The following USP36 variants were observed in gnomAD, a reference collection of about 807,000 sequenced individuals.
USP36 encodes ubiquitin carboxyl-terminal hydrolase 36.
A neutral mutation model predicts 111.5 loss-of-function variants in USP36; 59 were observed. The observed-to-expected ratio is 0.53, with a 90% CI of 0.43 to 0.66. The LOEUF (loss-of-function observed/expected upper bound fraction) is 0.66. Ranked by LOEUF, USP36 falls within the 30% of genes least tolerant of loss-of-function variation. USP36 has a pLI of 0.00. For synonymous variants in USP36, 628 were observed against 581.0 expected, an observed-to-expected ratio of 1.08 and a Z score of -1.16; for missense variants, 1,488 against 1,468.0, an observed-to-expected ratio of 1.01 and a Z score of -0.22.
intron 15 of USP36, among the ~76,000 whole-genome samples, chr17:78,804,628 A>T (rs2093847375): frequency 7.0e-6 from 1 of 142,158 alleles, no homozygotes; most frequent in African/African-American, 2.5e-5. Context: ...TGAGATTTAA[A>T]AAAAAAAAAA....
rs754369153 is a variant in USP36 at position 78,807,166 on chromosome 17, G to A, written c.1878C>T (p.Ala626=). The change falls in exon 14 of 21, where the codon GCC becomes GCT. Residue 626 remains alanine (A), a synonymous_variant. Transcript: ENST00000449938. ...CCGCTCCACTCCTGGGGGTCTGGGG[G>A]GCCTTGGTGGAGTCGCTGCTGGCCG... is the stretch of plus-strand genomic sequence containing the variant. ...EHSASSDSTK[A]PQTPRSGAAH... The A allele has an allele frequency of 2.6e-5, 42 of 1,614,230 alleles. 1 individual carries two copies. The highest frequency in any genetic ancestry group is 2.3e-4 in the South Asian group (21 of 91,092).
At chr17:78,838,999 C>T (rs1468695714) in intron 1 of USP36, among the ~76,000 whole-genome samples, 1 of 152,180 alleles carries the variant, frequency 6.6e-6, no homozygotes, top group East Asian at 1.9e-4. Context: ...ACCTCCCCAA[C>T]ACCTGCCAGT....
intron 3 of USP36, 22 bp from the exon 4 acceptor site, chr17:78,835,523 G>A: frequency 1.3e-6 from 2 of 1,569,596 alleles, no homozygotes; most frequent in Non-Finnish European, 1.7e-6. Flanking sequence ...AGGGACAAGG[G>A]AAGAAAAGAG....
intron 10 of USP36, among the ~76,000 whole-genome samples, 177 bp downstream of exon 10, chr17:78,818,490 G>A (rs1172249214): frequency 2.6e-5 from 4 of 152,176 alleles, no homozygotes; most frequent in Admixed American, 6.5e-5. Flanking sequence ...CTGTCTTCCC[G>A]TCCTGGACAA....
intron 9 of USP36, chr17:78,819,149 G>A (rs2094257433): frequency 5.2e-6 from 1 of 193,626 alleles, no homozygotes; most frequent in Admixed American, 5.6e-5. Context: ...AGCAAAGCTA[G>A]AAGATGCGCA....
Position 78,807,505 on chromosome 17 carries a change from G to C in USP36, c.1539C>G (p.Ser513=), listed in dbSNP as rs1185454974. 1.2e-6 allele frequency: 2 copies of C among 1,613,854 alleles called. No individual in the cohort carries two copies. Among genetic ancestry groups the C allele is most frequent in the Non-Finnish European group, 1.7e-6 (2 of 1,179,938 alleles). The part of the protein sequence containing the change: ...GCIPPKLPSG[S]PSPKLSQTPT... ...GTGTCTGGGAGAGTTTGGGGGAAGGGGACCCCGAGGGCAGCTTTGGAGGAA... is the reference window on the plus strand; with the variant it reads ...GTGTCTGGGAGAGTTTGGGGGAAGGCGACCCCGAGGGCAGCTTTGGAGGAA... Residue 513 remains serine (S), a synonymous_variant, in exon 14 of 21, where the codon TCC becomes TCG. Transcript: ENST00000449938.
rs768169484 is a variant in USP36 at position 78,803,431 on chromosome 17, C to T, written c.2764G>A (p.Gly922Ser). 19 of 1,614,036 alleles carry T rather than the reference C, an allele frequency of 1.2e-5. No individual in the cohort carries two copies. The highest frequency in any genetic ancestry group is 1.4e-5 in the Non-Finnish European group (17 of 1,180,034). ...TGCAGGCCGCCTTCTTCACCAAGACCTTCTGCTCCTTTCCTCCTCCGCTTC... is the reference window on the plus strand; with the variant it reads ...TGCAGGCCGCCTTCTTCACCAAGACTTTCTGCTCCTTTCCTCCTCCGCTTC... ...SRKRRRKGAE[G>S]LGEEGGLHQD... Residue 922 changes from glycine to serine, a missense_variant, in exon 16 of 21, where the codon GGT (glycine) becomes AGT (serine). Transcript: ENST00000449938. This position sits in a 1 kb window ranked among gnomAD's most constrained non-coding sequence, Gnocchi z 4.6.
At position 78,815,837 on chromosome 17, in the gene USP36, A is replaced by G. The variant is rs551293542; in HGVS notation, c.1024-1285T>C. Among the ~76,000 whole-genome samples the G allele has an allele frequency of 3.5e-3, 466 of 134,778 alleles. 3 individuals are homozygous for G. Among genetic ancestry groups the G allele is most frequent in the African/African-American group, 0.016 (415 of 25,858 alleles). The allele number at this position is 134,778 out of a possible 152,430, so 88.4% of individuals were successfully genotyped here. On this transcript the variant is annotated intron_variant, in intron 10 of 20. Transcript: ENST00000449938. ...TATACACACATGCACACATATATAC[A>G]TACACACACACATATGCATGCATAC...
At chr17:78,817,885 AC>A (rs982276573) in intron 10 of USP36, among the ~76,000 whole-genome samples, 5 of 152,178 alleles carry the variant, frequency 3.3e-5, no homozygotes, top group Non-Finnish European at 5.9e-5. Flanking sequence ...GTTTGAGACC[AC>A]CCTGGGCAAC....
At chr17:78,791,690 T>C (rs2093585605), downstream of USP36, among the ~76,000 whole-genome samples, 1 of 152,140 alleles carries the variant, frequency 6.6e-6, no homozygotes, top group African/African-American at 2.4e-5. Context: ...TGTGGAAGGC[T>C]GAAGAGGCAG....
At chr17:78,788,051 T>C (rs1260368815) in intron 3 of USP36, among the ~76,000 whole-genome samples, 2 of 152,232 alleles carry the variant, frequency 1.3e-5, no homozygotes, top group Non-Finnish European at 2.9e-5. Context: ...TGAGAGAACA[T>C]TCCCATTGTC....
intron 13 of USP36, 147 bp downstream of exon 13, chr17:78,812,713 A>G (rs1448689087): frequency 8.0e-6 from 7 of 872,446 alleles, no homozygotes; most frequent in South Asian, 5.2e-5. Context: ...AAAAAAAAAA[A>G]AAAAAGAAAA....
chr17:78,834,173 G>A (rs2068421601), intron 4 of USP36, among the ~76,000 whole-genome samples: 1 of 151,728 alleles, frequency 6.6e-6, no homozygotes. Context: ...CTTGCACCCA[G>A]GAGGCGGAGG....
Position 78,797,325 on chromosome 17 carries a change from C to T in USP36, c.*575G>A, listed in dbSNP as rs1012462926. Reference sequence around the variant, plus strand: ...GGGGTGCACAGTAGGGCCACCCTCTCGAGTTCCATAAAAGGGAGAGGTGGC... The same window carrying T: ...GGGGTGCACAGTAGGGCCACCCTCTTGAGTTCCATAAAAGGGAGAGGTGGC... On this transcript the variant is annotated 3_prime_UTR_variant, in exon 21 of 21. Coordinates refer to ENST00000449938, the MANE Select transcript of USP36 (RefSeq NM_001385174.1). The T allele has an allele frequency of 3.3e-5, 5 of 152,264 alleles. No individual in the cohort carries two copies. Among genetic ancestry groups the T allele is most frequent in the African/African-American group, 1.2e-4 (5 of 41,458 alleles). 9.4% of individuals were successfully genotyped at this position (152,264 alleles called of 1,614,324 possible). A position where few individuals can be genotyped will look rare whatever the true frequency, so the allele number is the denominator to read the frequency against.
In USP36 at chr17:78,798,125, A is replaced by ATCTCGGTGGT; in HGVS notation, c.*21-247_*21-246insACCACCGAGA. On this transcript the variant is annotated intron_variant, in intron 20 of 20. Coordinates refer to ENST00000449938, the MANE Select transcript of USP36 (RefSeq NM_001385174.1). This position sits in a 1 kb window ranked among gnomAD's most constrained non-coding sequence, Gnocchi z 5.1. ...CACATGCCACAGATGCCAGGTGTACACACCCCACACCCAACACACACTACA... is the reference window on the plus strand; with the variant it reads ...CACATGCCACAGATGCCAGGTGTACATCTCGGTGGTCACCCCACACCCAACACACACTACA... The ATCTCGGTGGT allele has an allele frequency of 2.4e-6, 1 of 423,578 alleles. No individual in the cohort carries two copies. The highest frequency in any genetic ancestry group is 3.9e-5 in the South Asian group (1 of 25,618). The allele number at this position is 423,578 out of a possible 1,614,324, so 26.2% of individuals were successfully genotyped here.
chr17:78,794,605 T>C (rs1184816113), downstream of USP36, among the ~76,000 whole-genome samples: 3 of 152,108 alleles, frequency 2.0e-5, no homozygotes, highest in Non-Finnish European at 4.4e-5. Flanking sequence ...GAAGTGGCCC[T>C]AGTGTTTGGG....
chr17:78,807,367 C>T lies in USP36; in HGVS notation c.1677G>A (p.Ser559=), dbSNP rs773437185. The part of the protein sequence containing the change: ...TAQGLPGTSN[S]NSSRSGSQRQ... ...TTTGGCTCCCAGATCTGCTGCTATTCGAGTTGCTGGTCCCAGGCAGCCCCT... is the reference window on the plus strand; with the variant it reads ...TTTGGCTCCCAGATCTGCTGCTATTTGAGTTGCTGGTCCCAGGCAGCCCCT... Residue 559 remains serine (S), a synonymous_variant, in exon 14 of 21, where the codon TCG becomes TCA. Coordinates refer to ENST00000449938, the MANE Select transcript of USP36 (RefSeq NM_001385174.1). 40 of 1,614,082 alleles carry T rather than the reference C, an allele frequency of 2.5e-5. No individual in the cohort carries two copies. The highest frequency in any genetic ancestry group is 2.9e-5 in the Non-Finnish European group (34 of 1,180,044).
chr17:78,833,497 C>T (rs2068348506), intron 4 of USP36, among the ~76,000 whole-genome samples: 1 of 152,056 alleles, frequency 6.6e-6, no homozygotes, highest in African/African-American at 2.4e-5. Context: ...CTACTCCAGG[C>T]ACTTGACTCA....
At chr17:78,822,729 T>C (rs988943611) in intron 6 of USP36, among the ~76,000 whole-genome samples, 2 of 152,196 alleles carry the variant, frequency 1.3e-5, no homozygotes, top group East Asian at 1.9e-4. Context: ...TCTGAAACAA[T>C]ACACCACATC....
Sources: gnomAD v4.1 joint callset for allele counts (sites outside exome capture counted in the v4.1 genomes callset) on GRCh38, gnomAD v4.1.1 for gene constraint, Gnocchi (gnomAD v3.1) non-coding constraint, MANE v1.5 for transcripts, NCBI Gene and HGNC (gene_info 2026-07-23, HGNC 2026-07-21) for gene names.